Variants in GPR39 observed in about 807,000 individuals in gnomAD.
GPR39 encodes the protein zinc sensing receptor.
In GPR39, 23 loss-of-function variants were observed where a neutral mutation model predicts 18.4. The observed-to-expected ratio is 1.25, with a 90% CI of 0.90 to 1.77. The LOEUF is 1.77. GPR39 is among the 40% of genes most tolerant of loss of function. The probability of loss-of-function intolerance (pLI) is 0.00; values close to 1 mark genes in which losing one functional copy is unlikely to be tolerated. For missense variants in GPR39, 647 were observed against 602.4 expected, an observed-to-expected ratio of 1.07 and a Z score of -0.78; for synonymous variants, 280 against 257.9, an observed-to-expected ratio of 1.09 and a Z score of -0.82.
intron 1 of GPR39, among the ~76,000 whole-genome samples, chr2:132,427,918 AAT>A (rs1012670765): frequency 4.7e-5 from 6 of 128,746 alleles, no homozygotes; most frequent in African/African-American, 1.7e-4. Flanking sequence ...ATTATATTTA[AAT>A]ATATATATTA....
intron 1 of GPR39, among the ~76,000 whole-genome samples, chr2:132,603,681 G>T (rs1223419608): frequency 6.6e-6 from 1 of 152,142 alleles, no homozygotes; most frequent in Non-Finnish European, 1.5e-5. Flanking sequence ...AGGAGAAAAG[G>T]TGATCACAAA....
chr2:132,613,279 A>G (rs1404933968), intron 1 of GPR39, among the ~76,000 whole-genome samples: 5 of 152,202 alleles, frequency 3.3e-5, no homozygotes, highest in African/African-American at 1.2e-4. Flanking sequence ...ATGTAGACAG[A>G]CACTTGTGCA....
chr2:132,485,195 G>A (rs905419443), intron 1 of GPR39, among the ~76,000 whole-genome samples: 14 of 152,162 alleles, frequency 9.2e-5, no homozygotes, highest in African/African-American at 3.4e-4. Flanking sequence ...TGTAGTCTAA[G>A]CATTGTGTCT....
Position 132,584,624 on chromosome 2 carries a change from G to GA in GPR39, c.857-60465dup, listed in dbSNP as rs751414250. 4.7e-3 allele frequency among the ~76,000 whole-genome samples: 671 copies of GA among 142,766 alleles called. 5 individuals are homozygous for GA. Among genetic ancestry groups the GA allele is most frequent in the Admixed American group, 8.4e-3 (120 of 14,316 alleles). 93.7% of individuals were successfully genotyped at this position (142,766 alleles called of 152,430 possible). A position where few individuals can be genotyped will look rare whatever the true frequency, so the allele number is the denominator to read the frequency against. ...GGCCAAGTCTCCAGTTCTTTCAGGG[G>GA]AAAAAAAAAAAACGTAGTTACATTT... On this transcript the variant is annotated intron_variant, in intron 1 of 1. Transcript: ENST00000329321.
At chr2:132,454,615 G>T (rs748537487) in intron 1 of GPR39, among the ~76,000 whole-genome samples, 4 of 152,070 alleles carry the variant, frequency 2.6e-5, no homozygotes, top group Admixed American at 6.5e-5. Flanking sequence ...ATTGGTTGTG[G>T]GTTTGTCATA....
chr2:132,501,500 A>T (rs952534307), intron 1 of GPR39, among the ~76,000 whole-genome samples: 3 of 152,090 alleles, frequency 2.0e-5, no homozygotes, highest in Admixed American at 2.0e-4. Flanking sequence ...GGGCTATCGT[A>T]TGGTCTATCT....
chr2:132,436,199 T>G (rs1401965704), intron 1 of GPR39, among the ~76,000 whole-genome samples: 3 of 152,314 alleles, frequency 2.0e-5, no homozygotes, highest in East Asian at 1.9e-4. Flanking sequence ...AGGCGGGAGC[T>G]TTTGACAAAT....
chr2:132,461,437 T>C (rs548271280), intron 1 of GPR39, among the ~76,000 whole-genome samples: 1 of 152,348 alleles, frequency 6.6e-6, no homozygotes, highest in Non-Finnish European at 1.5e-5. Context: ...TATTATTGAA[T>C]GTATTTTCAA....
intron 1 of GPR39, among the ~76,000 whole-genome samples, chr2:132,621,965 G>A (rs1220177703): frequency 1.3e-5 from 2 of 152,182 alleles, no homozygotes; most frequent in East Asian, 1.9e-4. Flanking sequence ...GGCGATGAGA[G>A]GGATATGCAT....
At chr2:132,596,620 C>T (rs1680954146) in intron 1 of GPR39, among the ~76,000 whole-genome samples, 1 of 151,864 alleles carries the variant, frequency 6.6e-6, no homozygotes, top group Non-Finnish European at 1.5e-5. Context: ...TTCTTCTTTC[C>T]TCCCCTCCTT....
At chr2:132,480,672 C>T (rs985573945) in intron 1 of GPR39, among the ~76,000 whole-genome samples, 15 of 152,102 alleles carry the variant, frequency 9.9e-5, no homozygotes, top group Non-Finnish European at 1.3e-4. Context: ...CCAATGCTAA[C>T]GAGAAAATGA....
chr2:132,417,894 C>T lies in GPR39; in HGVS notation c.852C>T (p.Phe284=), dbSNP rs147500982. The T allele has an allele frequency of 1.4e-4, 228 of 1,582,998 alleles. No individual in the cohort carries two copies. Among genetic ancestry groups the T allele is most frequent in the Non-Finnish European group, 1.8e-4 (213 of 1,167,018 alleles). The change falls in exon 1 of 2, where the codon TTC becomes TTT. Residue 284 remains phenylalanine (F), a synonymous_variant. Coordinates refer to ENST00000329321, the MANE Select transcript of GPR39 (RefSeq NM_001508.3). ...CCGCCAGGAGGCAGACCATCATCTT[C>T]CTGAGTGAGTCCTAAGTCGGGGGCA... The part of the protein sequence containing the change: ...SRTARRQTII[F]LRLIVVTLAV...
chr2:132,629,472 C>T (rs944160186), intron 1 of GPR39, among the ~76,000 whole-genome samples: 2 of 152,130 alleles, frequency 1.3e-5, no homozygotes, highest in African/African-American at 4.8e-5. Context: ...AGTGTATTGT[C>T]TAATTTGATT....
intron 1 of GPR39, among the ~76,000 whole-genome samples, chr2:132,617,485 T>C (rs1681358280): frequency 6.6e-6 from 1 of 152,224 alleles, no homozygotes; most frequent in South Asian, 2.1e-4. Flanking sequence ...TGTCTTGATT[T>C]ACATTTCTTT....
intron 1 of GPR39, among the ~76,000 whole-genome samples, chr2:132,571,216 C>T (rs541162807): frequency 1.3e-5 from 2 of 152,266 alleles, no homozygotes; most frequent in South Asian, 4.1e-4. Context: ...TTTCTAGAAT[C>T]GACATCTTAC....
chr2:132,503,002 G>C (rs1427471971), intron 1 of GPR39, among the ~76,000 whole-genome samples: 1 of 151,946 alleles, frequency 6.6e-6, no homozygotes, highest in African/African-American at 2.4e-5. Context: ...TATTTAAGTT[G>C]TACTTCATCC....
At chr2:132,525,236 T>C (rs997045633) in intron 1 of GPR39, among the ~76,000 whole-genome samples, 1 of 152,184 alleles carries the variant, frequency 6.6e-6, no homozygotes, top group Non-Finnish European at 1.5e-5. Context: ...GAGCACAGGA[T>C]TGATTCAGAG....
intron 1 of GPR39, among the ~76,000 whole-genome samples, chr2:132,500,771 G>A (rs1391814171): frequency 1.3e-5 from 2 of 151,972 alleles, no homozygotes; most frequent in Admixed American, 1.3e-4. Flanking sequence ...TCATTGCTCT[G>A]TTCAGAGATT....
At chr2:132,530,726 AC>A (rs1558828558) in intron 1 of GPR39, among the ~76,000 whole-genome samples, 1 of 152,224 alleles carries the variant, frequency 6.6e-6, no homozygotes, top group Non-Finnish European at 1.5e-5. Context: ...AGAATTTCCA[AC>A]CCAGAATTTC....
Sources: gnomAD v4.1 joint callset for allele counts (sites outside exome capture counted in the v4.1 genomes callset) on GRCh38, gnomAD v4.1.1 for gene constraint, MANE v1.5 for transcripts, NCBI Gene and HGNC (gene_info 2026-07-23, HGNC 2026-07-21) for gene names.